CBFA2T2: variants seen among roughly 807,000 people sequenced by gnomAD.
CBFA2T2 encodes the protein protein CBFA2T2.
In CBFA2T2, 11 loss-of-function variants were observed where a neutral mutation model predicts 62.2. The ratio of observed to expected loss-of-function variants is 0.18; its 90% CI spans 0.11 to 0.29. The LOEUF (loss-of-function observed/expected upper bound fraction) is 0.29, where lower values mean the gene tolerates loss of function less well. Among genes scored for constraint, CBFA2T2 ranks in the 10% least tolerant of loss-of-function variants. The pLI is 1.00. For synonymous variants in CBFA2T2, 295 were observed against 287.5 expected (o/e 1.03, Z -0.27); for missense variants, 592 against 774.1 (o/e 0.76, Z 2.79).
At chr20:33,530,608 G>T (rs1325164170) in intron 1 of CBFA2T2, among the ~76,000 whole-genome samples, 4 of 151,386 alleles carry the variant, frequency 2.6e-5, no homozygotes, top group Admixed American at 2.6e-4. Flanking sequence ...GTAAAGACGG[G>T]GTTTCACTAT....
intron 6 of CBFA2T2, among the ~76,000 whole-genome samples, chr20:33,625,563 A>G (rs1216852821): frequency 6.6e-6 from 1 of 152,254 alleles, no homozygotes; most frequent in Non-Finnish European, 1.5e-5. Context: ...TAAAATGTTA[A>G]CATTTGAGAA....
chr20:33,590,574 G>T (rs1264191002), intron 1 of CBFA2T2, among the ~76,000 whole-genome samples: 3 of 152,162 alleles, frequency 2.0e-5, no homozygotes, highest in African/African-American at 7.2e-5. Context: ...TGAGTGCCAA[G>T]ATCTTCTCAT....
intron 1 of CBFA2T2, among the ~76,000 whole-genome samples, chr20:33,509,541 G>A (rs2146853291): frequency 6.6e-6 from 1 of 151,814 alleles, no homozygotes; most frequent in Middle Eastern, 3.4e-3. Context: ...ATTTGAAAAG[G>A]TCCTGGCTGG....
rs112991355 is a variant in CBFA2T2 at position 33,491,451 on chromosome 20, A to C, written c.34+1150A>C. Among the ~76,000 whole-genome samples, 346 of 152,272 alleles carry C rather than the reference A, an allele frequency of 2.3e-3. 3 individuals carry two copies. Among genetic ancestry groups the C allele is most frequent in the African/African-American group, 7.9e-3 (328 of 41,564 alleles). On this transcript the variant is annotated intron_variant, in intron 1 of 10. Transcript: ENST00000342704. ...GAGGATGCCCATTTTGCAGAGGATG[A>C]AACTGAGTAACAGAAGGTACTCTGA...
At chr20:33,510,005 G>A (rs1385170046) in intron 1 of CBFA2T2, among the ~76,000 whole-genome samples, 1 of 151,784 alleles carries the variant, frequency 6.6e-6, no homozygotes, top group Non-Finnish European at 1.5e-5. Flanking sequence ...GGGGTGTGAT[G>A]TTGCCTGCCC....
chr20:33,543,293 A>G (rs925808343), intron 1 of CBFA2T2, among the ~76,000 whole-genome samples: 6 of 152,148 alleles, frequency 3.9e-5, no homozygotes, highest in Non-Finnish European at 8.8e-5. Context: ...TACAGGCGTG[A>G]GCCACCGTGC....
At chr20:33,543,519 G>T (rs955831092) in intron 1 of CBFA2T2, among the ~76,000 whole-genome samples, 2 of 152,182 alleles carry the variant, frequency 1.3e-5, no homozygotes. Context: ...AGAAGTGGGG[G>T]AGATGAACAC....
chr20:33,592,295 G>A (rs923667529), intron 1 of CBFA2T2, among the ~76,000 whole-genome samples: 2 of 151,036 alleles, frequency 1.3e-5, no homozygotes, highest in African/African-American at 4.9e-5. Context: ...CCTGGGAGGC[G>A]GAGGTTGCAG....
Position 33,645,887 on chromosome 20 carries a change from C to G in CBFA2T2, c.*1241C>G, listed in dbSNP as rs896938484. ...GAAATGTGAACCATTTTGGGAAAAG[C>G]TGATCAATTTTTCTTCCTAGCTTCC... On this transcript the variant is annotated 3_prime_UTR_variant, in exon 11 of 11. Transcript: ENST00000342704. The G allele has an allele frequency of 6.6e-6, 1 of 152,174 alleles. No individual in the cohort carries two copies. Among genetic ancestry groups the G allele is most frequent in the African/African-American group, 2.4e-5 (1 of 41,444 alleles). The allele number at this position is 152,174 out of a possible 1,614,324, so 9.4% of individuals were successfully genotyped here.
chr20:33,631,772 T>C (rs556778770), intron 8 of CBFA2T2, among the ~76,000 whole-genome samples: 2 of 152,382 alleles, frequency 1.3e-5, no homozygotes, highest in Non-Finnish European at 2.9e-5. Flanking sequence ...TGATAAGTTA[T>C]ATTGTCATTC....
intron 1 of CBFA2T2, among the ~76,000 whole-genome samples, chr20:33,556,030 T>C (rs1600965701): frequency 1.3e-5 from 2 of 152,344 alleles, no homozygotes; most frequent in East Asian, 1.9e-4. Context: ...TATGCCTGGC[T>C]AATTTTTTTT....
intron 1 of CBFA2T2, among the ~76,000 whole-genome samples, chr20:33,572,567 C>T (rs952326684): frequency 6.6e-6 from 1 of 152,092 alleles, no homozygotes; most frequent in African/African-American, 2.4e-5. Flanking sequence ...TGCTGAATAA[C>T]AATAATGAAA....
At chr20:33,621,599 C>T (rs949685094) in intron 4 of CBFA2T2, among the ~76,000 whole-genome samples, 4 of 152,072 alleles carry the variant, frequency 2.6e-5, no homozygotes, top group African/African-American at 7.2e-5. Flanking sequence ...CCGTGCCCAG[C>T]GTCTAATTTT....
chr20:33,536,946 C>G (rs555733876), intron 1 of CBFA2T2, among the ~76,000 whole-genome samples: 2 of 150,858 alleles, frequency 1.3e-5, no homozygotes, highest in South Asian at 2.1e-4. Flanking sequence ...CGGGCAGAGA[C>G]GCTCCTCACT....
At chr20:33,612,878 GAGTT>G in intron 3 of CBFA2T2, among the ~76,000 whole-genome samples, 1 of 152,272 alleles carries the variant, frequency 6.6e-6, no homozygotes, top group African/African-American at 2.4e-5. Context: ...TTGGATGCAG[GAGTT>G]CAAGACCAGC....
chr20:33,507,096 A>G (rs943423458), intron 1 of CBFA2T2, among the ~76,000 whole-genome samples: 5 of 152,230 alleles, frequency 3.3e-5, no homozygotes, highest in African/African-American at 1.2e-4. Flanking sequence ...TTTGTATTCT[A>G]TTAGAAGGAC....
At chr20:33,624,464 C>T (rs140931648) in intron 5 of CBFA2T2, among the ~76,000 whole-genome samples, 14 of 152,200 alleles carry the variant, frequency 9.2e-5, no homozygotes, top group African/African-American at 2.7e-4. Flanking sequence ...TGGTTGAACC[C>T]GTAACTCAGA....
In CBFA2T2 at chr20:33,644,798, C is replaced by T. The variant is rs1486697482; in HGVS notation, c.*152C>T. On this transcript the variant is annotated 3_prime_UTR_variant, in exon 11 of 11. Coordinates refer to ENST00000342704, the MANE Select transcript of CBFA2T2 (RefSeq NM_001032999.3). Reference sequence around the variant, plus strand: ...AGTCCAAGCCTGAATAATAACACCCCACAGCCTCTCTGTGCACTTGCTGTC... The same window carrying T: ...AGTCCAAGCCTGAATAATAACACCCTACAGCCTCTCTGTGCACTTGCTGTC... 3 of 774,510 alleles carry T rather than the reference C, an allele frequency of 3.9e-6. No individual in the cohort carries two copies. The African/African-American group carries it at 5.3e-5, about 14-fold the overall frequency. 48.0% of individuals were successfully genotyped at this position (774,510 alleles called of 1,614,324 possible).
intron 2 of CBFA2T2, among the ~76,000 whole-genome samples, chr20:33,610,063 C>T (rs2015469500): frequency 6.6e-6 from 1 of 152,174 alleles, no homozygotes; most frequent in Non-Finnish European, 1.5e-5. Context: ...AGGAGGATCA[C>T]TTGAGCCCAG....
Sources: allele counts gnomAD v4.1 joint callset (sites outside exome capture counted in the v4.1 genomes callset), GRCh38; gene constraint gnomAD v4.1.1; transcripts MANE v1.5; gene names NCBI Gene and HGNC (gene_info 2026-07-23, HGNC 2026-07-21).